Variants in HEXA observed in about 807,000 individuals in gnomAD.
HEXA encodes beta-hexosaminidase subunit alpha.
A neutral mutation model predicts 73.3 loss-of-function variants in HEXA; 54 were observed. That is an observed-to-expected ratio of 0.74 (90% CI 0.59 to 0.92). The LOEUF (loss-of-function observed/expected upper bound fraction) is 0.92. Among genes scored for constraint, HEXA ranks in the 40% least tolerant of loss-of-function variants. The probability of loss-of-function intolerance (pLI) is 0.00; values close to 1 mark genes in which losing one functional copy is unlikely to be tolerated. For missense variants in HEXA, 649 were observed against 653.0 expected (o/e 0.99, Z 0.07); for synonymous variants, 230 against 246.9 (o/e 0.93, Z 0.64).
chr15:72,374,260 C>A (rs1358941338), intron 1 of HEXA, among the ~76,000 whole-genome samples: 1 of 152,010 alleles, frequency 6.6e-6, no homozygotes, highest in Non-Finnish European at 1.5e-5. Context: ...TCTTCTAAAC[C>A]AAAATCAACA....
intron 3 of HEXA, 104 bp from the exon 4 acceptor site, chr15:72,353,841 A>G: frequency 1.2e-6 from 1 of 856,576 alleles, no homozygotes; most frequent in South Asian, 1.4e-5. Flanking sequence ...TTGGGTACAC[A>G]GGGAAAATGG....
Position 72,347,774 on chromosome 15 carries a change from G to T in HEXA, c.1074-16C>A, listed in dbSNP as rs772680815. On this transcript the variant is annotated splice_polypyrimidine_tract_variant and intron_variant, in intron 9 of 13. Coordinates refer to ENST00000268097, the MANE Select transcript of HEXA (RefSeq NM_000520.6). ...GTCCAGCAGCCTGGAGAGGAGAGGAGTGTCTAGTAAGTGTCTGCTTAGCTC... is the reference window on the plus strand; with the variant it reads ...GTCCAGCAGCCTGGAGAGGAGAGGATTGTCTAGTAAGTGTCTGCTTAGCTC... The T allele has an allele frequency of 6.2e-7, 1 of 1,612,426 alleles. No individual in the cohort carries two copies. The highest frequency in any genetic ancestry group is 1.1e-5 in the South Asian group (1 of 91,040).
intron 1 of HEXA, among the ~76,000 whole-genome samples, chr15:72,366,235 G>A (rs544803836): frequency 6.6e-6 from 1 of 152,080 alleles, no homozygotes; most frequent in East Asian, 1.9e-4. Flanking sequence ...TGTGGTTCAT[G>A]TCATCCAGCT....
chr15:72,355,524 T>TTC (rs1239884909), intron 3 of HEXA, 35 bp downstream of exon 3: 8 of 1,468,456 alleles, frequency 5.4e-6, no homozygotes, highest in Non-Finnish European at 7.6e-6. Context: ...ACATCATCCT[T>TTC]TCTCTCTCTC....
At chr15:72,355,780 G>C (rs2140328389) in intron 2 of HEXA, 156 bp from the exon 3 acceptor site, 1 of 653,912 alleles carries the variant, frequency 1.5e-6, no homozygotes, top group South Asian at 1.5e-5. Flanking sequence ...CCCAGAGCAA[G>C]ACAGCTGTAG....
At position 72,348,062 on chromosome 15, in the gene HEXA, G is replaced by A. The variant is rs1264309804; in HGVS notation, c.1059C>T (p.Ser353=). ...TCCTTCCTCACGTCTGGATGTAGAA[G>A]GACTCCAGCTGCTTGAAGTCCTCAC... The part of the protein sequence containing the change: ...GFGEDFKQLE[S]FYIQTLLDIV... The change falls in exon 9 of 14, where the codon TCC becomes TCT. Residue 353 remains serine, a synonymous_variant. Coordinates refer to ENST00000268097, the MANE Select transcript of HEXA (RefSeq NM_000520.6). 6 of 1,610,424 alleles carry A rather than the reference G, an allele frequency of 3.7e-6. No individual in the cohort carries two copies. The highest frequency in any genetic ancestry group is 5.1e-6 in the Non-Finnish European group (6 of 1,176,646).
At chr15:72,363,076 C>A (rs1269414524) in intron 1 of HEXA, among the ~76,000 whole-genome samples, 1 of 152,132 alleles carries the variant, frequency 6.6e-6, no homozygotes, top group Non-Finnish European at 1.5e-5. Flanking sequence ...TTCTTCTCTT[C>A]CCCCTCCCAC....
chr15:72,373,606 G>C (rs1010243066), intron 1 of HEXA, among the ~76,000 whole-genome samples: 1 of 152,116 alleles, frequency 6.6e-6, no homozygotes, highest in African/African-American at 2.4e-5. Context: ...TCTTTTGTTA[G>C]GGAATTTATA....
chr15:72,374,874 C>A (rs12904366), intron 1 of HEXA, among the ~76,000 whole-genome samples: 112,034 of 151,628 alleles, frequency 0.74, 47,850 homozygotes, highest in Non-Finnish European at 0.94. Context: ...CCCCAGCCCC[C>A]ACTCATCACA....
chr15:72,370,528 C>T, intron 1 of HEXA: 1 of 397,022 alleles, frequency 2.5e-6, no homozygotes, highest in Non-Finnish European at 4.4e-6. Context: ...CCCATCTCTA[C>T]AAAATGCAAA....
At position 72,350,618 on chromosome 15, in the gene HEXA, T is replaced by C. The variant is rs781164103; in HGVS notation, c.705A>G (p.Thr235=). The C allele has an allele frequency of 6.2e-6, 10 of 1,613,972 alleles. No individual in the cohort carries two copies. Among genetic ancestry groups the C allele is most frequent in the South Asian group, 1.1e-5 (1 of 91,080 alleles). The change falls in exon 7 of 14, where the codon ACA becomes ACG. Residue 235 remains threonine, a synonymous_variant. Transcript: ENST00000268097. ...CAATGACCTCCTTCACATCCTGTGC[T>C]GTGTAGATGTGGGTGACAGGGTTGT... ...GSYNPVTHIY[T]AQDVKEVIEY...
At chr15:72,371,933 G>A (rs1162727905) in intron 1 of HEXA, among the ~76,000 whole-genome samples, 2 of 152,140 alleles carry the variant, frequency 1.3e-5, no homozygotes, top group Non-Finnish European at 2.9e-5. Flanking sequence ...TTCTGTTGAA[G>A]GACAATGGCA....
chr15:72,345,343 G>GT (rs2088595844), intron 13 of HEXA, 103 bp downstream of exon 13: 2 of 1,558,362 alleles, frequency 1.3e-6, no homozygotes, highest in Non-Finnish European at 1.7e-6. Context: ...ATAAGCCTCT[G>GT]TAAGTGTTAG....
intron 1 of HEXA, among the ~76,000 whole-genome samples, chr15:72,368,590 G>A (rs1436844775): frequency 1.3e-5 from 2 of 152,144 alleles, no homozygotes; most frequent in Admixed American, 6.5e-5. Context: ...AGCAAACCTC[G>A]ACTCTCTCAT....
chr15:72,350,973 G>A, intron 6 of HEXA, 160 bp downstream of exon 6: 1 of 681,998 alleles, frequency 1.5e-6, no homozygotes, highest in Non-Finnish European at 2.7e-6. Context: ...GCAAAGTTTT[G>A]GACTTGAACT....
chr15:72,350,698 CA>C (rs755203085), intron 6 of HEXA, 48 bp from the exon 7 acceptor site: 2 of 1,612,194 alleles, frequency 1.2e-6, no homozygotes, highest in Admixed American at 3.3e-5. Flanking sequence ...TGAAAGCTAG[CA>C]GAGTAGAAGA....
At chr15:72,353,019 C>T in intron 5 of HEXA, 49 bp downstream of exon 5, 1 of 1,124,602 alleles carries the variant, frequency 8.9e-7, no homozygotes, top group South Asian at 1.2e-5. Flanking sequence ...TCCGTTGCTC[C>T]ATCACCCTAG....
At position 72,353,705 on chromosome 15, in the gene HEXA, A is replaced by G; in HGVS notation, c.445T>C (p.Ser149Pro). The G allele has an allele frequency of 6.2e-7, 1 of 1,613,208 alleles. No individual in the cohort carries two copies. The stretch of plus-strand genomic sequence containing the variant: ...TCCACACTTACTGTGCCCTCAGCAG[A>G]TTTCCAAACAAGCTGGCTAAAAGTC... ...LETFSQLVWKSAEGTFFINKT... is the reference protein window; with the variant it reads ...LETFSQLVWKPAEGTFFINKT... Residue 149 changes from serine (S) to proline (P), a missense_variant, in exon 4 of 14, where the codon TCT becomes CCT. Physicochemically the swap from Ser to Pro is moderately conservative, Grantham distance 74. Coordinates refer to ENST00000268097, the MANE Select transcript of HEXA (RefSeq NM_000520.6).
At chr15:72,354,977 C>T in intron 3 of HEXA, 1 of 155,672 alleles carries the variant, frequency 6.4e-6, no homozygotes, top group South Asian at 1.9e-4. Flanking sequence ...TTATAGTTTT[C>T]CTTTTAAAAA....
Sources: gnomAD v4.1 joint callset for allele counts (sites outside exome capture counted in the v4.1 genomes callset) on GRCh38, gnomAD v4.1.1 for gene constraint, MANE v1.5 for transcripts, NCBI Gene and HGNC (gene_info 2026-07-23, HGNC 2026-07-21) for gene names.